The following ADGRB2 variants were observed in gnomAD, a reference collection of about 807,000 sequenced individuals.
The protein encoded by ADGRB2 is adhesion G protein-coupled receptor B2.
In ADGRB2, 47 loss-of-function variants were observed where a neutral mutation model predicts 178.7. That is an observed-to-expected ratio of 0.26 (90% confidence interval 0.21 to 0.34). The LOEUF is 0.34. Among genes scored for constraint, ADGRB2 ranks in the 10% least tolerant of loss-of-function variants. The pLI is 1.00. For synonymous variants in ADGRB2, 870 were observed against 912.4 expected (o/e 0.95, Z 0.84); for missense variants, 1,584 against 2,180.8 (o/e 0.73, Z 5.45).
chr1:31,737,288 T>C, intron 20 of ADGRB2, 141 bp downstream of exon 20: 1 of 797,602 alleles, frequency 1.3e-6, no homozygotes, highest in Non-Finnish European at 2.1e-6. Flanking sequence ...TCACACACTA[T>C]TTCATACACA....
At position 31,735,679 on chromosome 1, in the gene ADGRB2, A is replaced by G. The variant is rs375068549; in HGVS notation, c.3268-14T>C. The G allele has an allele frequency of 6.3e-7, 1 of 1,587,802 alleles. No individual in the cohort carries two copies. Among genetic ancestry groups the G allele is most frequent in the South Asian group, 1.1e-5 (1 of 87,234 alleles). The stretch of plus-strand genomic sequence containing the variant: ...GAGCATGTTCACCTGGGGGCCCAGT[A>G]GAGTGGAGTGGGGGAGACAGGATCA... On this transcript the variant is annotated splice_polypyrimidine_tract_variant and intron_variant, in intron 23 of 32. Transcript: ENST00000373658. The surrounding 1 kb of genome is among the most constrained non-coding windows in gnomAD (Gnocchi z 6.0).
chr1:31,764,144 C>G lies in ADGRB2; in HGVS notation c.-451G>C. On this transcript the variant is annotated 5_prime_UTR_variant, in exon 1 of 33. Transcript: ENST00000373658. The surrounding 1 kb of genome is among the most constrained non-coding windows in gnomAD (Gnocchi z 7.3). ...CGCCGCCGCCTCCTTGCCGCGCCGC[C>G]CCCCGCTCCCCCGCTCCCCCGCCCC... The G allele has an allele frequency of 1.6e-6, 1 of 634,622 alleles. No homozygotes were observed. 39.3% of individuals were successfully genotyped at this position (634,622 alleles called of 1,614,324 possible).
Position 31,744,279 on chromosome 1 carries a change from C to A in ADGRB2, c.1001G>T (p.Arg334Leu). ...CCCATAGGGGGAGGACACACAGGAG[C>A]GGGTCCGCACCTGCAGACCCTGCCC... ...TCGQGLQVRT[R>L]SCVSSPYGTL... The change falls in exon 6 of 33, where the codon CGC becomes CTC. Residue 334 changes from arginine to leucine, a missense_variant. Physicochemically the swap from Arg to Leu is moderately radical, Grantham distance 102. Coordinates refer to ENST00000373658, the MANE Select transcript of ADGRB2 (RefSeq NM_001364857.2). The surrounding 1 kb of genome is among the most constrained non-coding windows in gnomAD (Gnocchi z 6.7). 1 of 1,551,274 alleles carries A rather than the reference C, an allele frequency of 6.4e-7. No homozygotes were observed. Among genetic ancestry groups the A allele is most frequent in the South Asian group, 1.2e-5 (1 of 84,044 alleles).
Position 31,740,631 on chromosome 1 carries a change from C to T in ADGRB2, c.1795-90G>A. On this transcript the variant is annotated intron_variant, in intron 11 of 32. Transcript: ENST00000373658. The surrounding 1 kb of genome is among the most constrained non-coding windows in gnomAD (Gnocchi z 5.9). ...CCCACTCCAGTCCACCCACTGCTTG[C>T]ATCCACGGGGAGAGAAAGGGGGAAA... 6.6e-6 allele frequency: 9 copies of T among 1,360,980 alleles called. No homozygotes were observed. The highest frequency in any genetic ancestry group is 7.9e-6 in the Non-Finnish European group (8 of 1,016,248). 84.3% of individuals were successfully genotyped at this position (1,360,980 alleles called of 1,614,324 possible). A position where few individuals can be genotyped will look rare whatever the true frequency, so the allele number is the denominator to read the frequency against.
At chr1:31,732,371 C>T in intron 27 of ADGRB2, 146 bp downstream of exon 27, 1 of 1,165,880 alleles carries the variant, frequency 8.6e-7, no homozygotes, top group Non-Finnish European at 1.2e-6. Context: ...CCCAATGCCA[C>T]CCAGGTGTTA....
rs949890681 is a variant in ADGRB2 at position 31,739,830 on chromosome 1, A to G, written c.2167+96T>C. The G allele has an allele frequency of 2.3e-6, 3 of 1,286,590 alleles. No homozygotes were observed. In the South Asian group the frequency reaches 3.8e-5, roughly 16 times the overall value. 79.7% of individuals were successfully genotyped at this position (1,286,590 alleles called of 1,614,324 possible). A position where few individuals can be genotyped will look rare whatever the true frequency, so the allele number is the denominator to read the frequency against. On this transcript the variant is annotated intron_variant, in intron 14 of 32. Coordinates refer to ENST00000373658, the MANE Select transcript of ADGRB2 (RefSeq NM_001364857.2). ...AGATGAAGGAGAGGGTAGAATGTGGACAGAAAGATACAAATACGGGGTTAG... is the reference window on the plus strand; with the variant it reads ...AGATGAAGGAGAGGGTAGAATGTGGGCAGAAAGATACAAATACGGGGTTAG...
chr1:31,741,560 G>A lies in ADGRB2; in HGVS notation c.1687+64C>T, dbSNP rs928829987. 6 of 1,597,246 alleles carry A rather than the reference G, an allele frequency of 3.8e-6. No homozygotes were observed. Among genetic ancestry groups the A allele is most frequent in the South Asian group, 2.2e-5 (2 of 89,626 alleles). On this transcript the variant is annotated intron_variant, in intron 10 of 32. Coordinates refer to ENST00000373658, the MANE Select transcript of ADGRB2 (RefSeq NM_001364857.2). The surrounding 1 kb of genome is among the most constrained non-coding windows in gnomAD (Gnocchi z 6.5). ...CCTCCGTATCTCAGAGAGGCTGGGG[G>A]CGCAGAAGGGGGCAATGAGAATGGC...
chr1:31,748,190 C>G lies in ADGRB2; in HGVS notation c.839-3459G>C, dbSNP rs79125416. ...ATGTAACAGGAGGGGCAGGGCGAAG[C>G]GGGAGTGGGTTGGGGTCAGTGGTTT... On this transcript the variant is annotated intron_variant, in intron 4 of 32. Coordinates refer to ENST00000373658, the MANE Select transcript of ADGRB2 (RefSeq NM_001364857.2). Among the ~76,000 whole-genome samples the G allele has an allele frequency of 7.8e-3, 1,187 of 152,304 alleles. 13 individuals are homozygous for G. The highest frequency in any genetic ancestry group is 0.035 in the East Asian group (179 of 5,188).
At position 31,740,102 on chromosome 1, in the gene ADGRB2, C is replaced by A. The variant is rs764131525; in HGVS notation, c.2058+8G>T. On this transcript the variant is annotated splice_region_variant and intron_variant, in intron 13 of 32. Transcript: ENST00000373658. This position sits in a 1 kb window ranked among gnomAD's most constrained non-coding sequence, Gnocchi z 5.9. ...ACGGGAGGAGAAGCTGGCAGCTGTGCCCCGCACCTGCTGAGCATCGTCCCA... is the reference window on the plus strand; with the variant it reads ...ACGGGAGGAGAAGCTGGCAGCTGTGACCCGCACCTGCTGAGCATCGTCCCA... 6 of 1,614,140 alleles carry A rather than the reference C, an allele frequency of 3.7e-6. No individual in the cohort carries two copies. Among genetic ancestry groups the A allele is most frequent in the Non-Finnish European group, 5.1e-6 (6 of 1,180,020 alleles).
intron 18 of ADGRB2, among the ~76,000 whole-genome samples, 200 bp downstream of exon 18, chr1:31,738,000 G>A (rs1645719644): frequency 6.6e-6 from 1 of 152,064 alleles, no homozygotes; most frequent in African/African-American, 2.4e-5. Flanking sequence ...CACACAACTG[G>A]CCACTGCCGC....
In ADGRB2 at chr1:31,727,958, G is replaced by T; in HGVS notation, c.4572+67C>A. On this transcript the variant is annotated intron_variant, in intron 32 of 32. Transcript: ENST00000373658. This position sits in a 1 kb window ranked among gnomAD's most constrained non-coding sequence, Gnocchi z 4.4. ...GACAGGCTGGGGTTGCCTGGGAGGG[G>T]CAGGAGGGCAGGGAGGGCACGGGTC... The T allele has an allele frequency of 1.3e-6, 2 of 1,495,528 alleles. No homozygotes were observed. The highest frequency in any genetic ancestry group is 8.9e-7 in the Non-Finnish European group (1 of 1,120,590). 92.6% of individuals were successfully genotyped at this position (1,495,528 alleles called of 1,614,324 possible).
At position 31,756,414 on chromosome 1, in the gene ADGRB2, C is replaced by G; in HGVS notation, c.423G>C (p.Leu141=). ...EEAEAAAGLE[L]CSGSGPFTFL... Reference sequence around the variant, plus strand: ...AGGTAAAGGGGCCTGAGCCGCTGCACAGCTCCAACCCCGCTGCCGCCTCTG... The same window carrying G: ...AGGTAAAGGGGCCTGAGCCGCTGCAGAGCTCCAACCCCGCTGCCGCCTCTG... Residue 141 remains leucine (L), a synonymous_variant, in exon 4 of 33, where the codon CTG becomes CTC. Transcript: ENST00000373658. This position sits in a 1 kb window ranked among gnomAD's most constrained non-coding sequence, Gnocchi z 8.5. The G allele has an allele frequency of 1.2e-6, 2 of 1,612,812 alleles. No homozygotes were observed. The highest frequency in any genetic ancestry group is 2.2e-5 in the South Asian group (2 of 91,072).
At position 31,727,922 on chromosome 1, in the gene ADGRB2, G is replaced by A; in HGVS notation, c.4572+103C>T. 7.2e-7 allele frequency: 1 copy of A among 1,392,814 alleles called. No homozygotes were observed. Among genetic ancestry groups the A allele is most frequent in the South Asian group, 1.4e-5 (1 of 71,950 alleles). The allele number at this position is 1,392,814 out of a possible 1,614,324, so 86.3% of individuals were successfully genotyped here. A position where few individuals can be genotyped will look rare whatever the true frequency, so the allele number is the denominator to read the frequency against. ...GACTGTTGCCCATGCCGTGGGGGAG[G>A]CCCTTGGTGAGACAGGCTGGGGTTG... On this transcript the variant is annotated intron_variant, in intron 32 of 32. Transcript: ENST00000373658. This position sits in a 1 kb window ranked among gnomAD's most constrained non-coding sequence, Gnocchi z 4.4.
In ADGRB2 at chr1:31,731,086, C is replaced by A; in HGVS notation, c.4094G>T (p.Gly1365Val). 1 of 1,574,782 alleles carries A rather than the reference C, an allele frequency of 6.4e-7. No individual in the cohort carries two copies. The highest frequency in any genetic ancestry group is 1.4e-5 in the African/African-American group (1 of 73,942). Residue 1365 changes from glycine to valine, a missense_variant, in exon 29 of 33, where the codon GGT (glycine) becomes GTT (valine). Transcript: ENST00000373658. Reference protein sequence around the residue: ...PRRTLSLQPGGGGGGGEDAPR... With the variant: ...PRRTLSLQPGVGGGGGEDAPR... The stretch of plus-strand genomic sequence containing the variant: ...GGCATCCTCACCACCTCCACCCCCA[C>A]CGCCAGGCTGCAGGCTCAAAGTCCG...
intron 18 of ADGRB2, 68 bp downstream of exon 18, chr1:31,738,132 T>A: frequency 2.5e-6 from 4 of 1,589,368 alleles, no homozygotes; most frequent in Non-Finnish European, 3.4e-6. Flanking sequence ...GCCAACACCA[T>A]CACTGATGGC....
intron 4 of ADGRB2, among the ~76,000 whole-genome samples, chr1:31,746,240 T>C (rs924845382): frequency 2.6e-5 from 4 of 152,170 alleles, no homozygotes; most frequent in Non-Finnish European, 4.4e-5. Context: ...ACACGGCAAG[T>C]GCTCAGAAGA....
chr1:31,732,545 G>C lies in ADGRB2; in HGVS notation c.3692C>G (p.Ser1231Trp). 2 of 1,614,166 alleles carry C rather than the reference G, an allele frequency of 1.2e-6. No individual in the cohort carries two copies. The highest frequency in any genetic ancestry group is 1.7e-6 in the Non-Finnish European group (2 of 1,180,016). ...GATCTGCAGCTGCCCGTTCTTACAC[G>C]AGTCAGGGGAGTCTTCGCTCTCATC... is the stretch of plus-strand genomic sequence containing the variant. Reference protein sequence around the residue: ...RADESEDSPDSCKNGQLQILS... With the variant: ...RADESEDSPDWCKNGQLQILS... The change falls in exon 27 of 33, where the codon TCG becomes TGG. Residue 1231 changes from serine (S) to tryptophan (W), a missense_variant. Transcript: ENST00000373658.
chr1:31,727,134 A>T lies in ADGRB2; in HGVS notation c.*286T>A, dbSNP rs1645031380. The T allele has an allele frequency of 1.6e-5, 6 of 377,812 alleles. No individual in the cohort carries two copies. The highest frequency in any genetic ancestry group is 2.8e-5 in the Non-Finnish European group (6 of 211,560). The allele number at this position is 377,812 out of a possible 1,614,324, so 23.4% of individuals were successfully genotyped here. ...CAGCAAAATCCACAGAGTGAAGTTT[A>T]TTCCCAACAAAGTTCCCCTCCCCCC... On this transcript the variant is annotated 3_prime_UTR_variant, in exon 33 of 33. Transcript: ENST00000373658. This position sits in a 1 kb window ranked among gnomAD's most constrained non-coding sequence, Gnocchi z 4.4.
At chr1:31,745,275 C>T (rs922462878) in intron 4 of ADGRB2, among the ~76,000 whole-genome samples, 1 of 152,206 alleles carries the variant, frequency 6.6e-6, no homozygotes, top group Non-Finnish European at 1.5e-5. Flanking sequence ...TTCATGCTCC[C>T]CAAGCAGCAC....
Sources: allele counts gnomAD v4.1 joint callset (sites outside exome capture counted in the v4.1 genomes callset), GRCh38; gene constraint gnomAD v4.1.1; non-coding constraint Gnocchi (gnomAD v3.1); transcripts MANE v1.5; gene names NCBI Gene and HGNC (gene_info 2026-07-23, HGNC 2026-07-21).